ZNF385B: variants seen among roughly 807,000 people sequenced by gnomAD.
ZNF385B encodes zinc finger protein 533.
In ZNF385B, 23 loss-of-function variants were observed where a neutral mutation model predicts 39.2. The observed-to-expected ratio is 0.59, with a 90% CI of 0.42 to 0.83. The LOEUF is 0.83. ZNF385B is among the 40% of genes least tolerant of loss of function. The pLI is 0.00. For missense variants in ZNF385B, 552 were observed against 598.9 expected, an observed-to-expected ratio of 0.92 and a Z score of 0.82; for synonymous variants, 205 against 222.6, an observed-to-expected ratio of 0.92 and a Z score of 0.70.
chr2:179,742,449 A>G (rs1314477967), intron 3 of ZNF385B, among the ~76,000 whole-genome samples: 6 of 152,144 alleles, frequency 3.9e-5, no homozygotes, highest in Admixed American at 2.0e-4. Context: ...ACAATTTTCA[A>G]TATTAAGTAT....
chr2:179,786,882 C>T (rs1705038477), intron 1 of ZNF385B, among the ~76,000 whole-genome samples: 1 of 152,040 alleles, frequency 6.6e-6, no homozygotes, highest in South Asian at 2.1e-4. Context: ...ATTTACACTT[C>T]TATCAGCAGT....
Position 179,604,811 on chromosome 2 carries a change from G to A in ZNF385B, c.299-59842C>T, listed in dbSNP as rs796150004. On this transcript the variant is annotated intron_variant, in intron 3 of 9. Transcript: ENST00000410066. Reference sequence around the variant, plus strand: ...ATGTCTCCAACTATATTTCCACAGAGTGCTATAACATTTACAATTGTGAAA... The same window carrying A: ...ATGTCTCCAACTATATTTCCACAGAATGCTATAACATTTACAATTGTGAAA... 3.9e-5 allele frequency among the ~76,000 whole-genome samples: 6 copies of A among 152,204 alleles called. 1 individual carries two copies. Among genetic ancestry groups the A allele is most frequent in the African/African-American group, 1.4e-4 (6 of 41,562 alleles).
intron 5 of ZNF385B, among the ~76,000 whole-genome samples, chr2:179,489,138 C>T (rs562771442): frequency 6.6e-6 from 1 of 152,246 alleles, no homozygotes. Flanking sequence ...GCTGCAAGGG[C>T]CGGGCTCCGA....
chr2:179,853,765 A>T (rs1684363868), intron 1 of ZNF385B, among the ~76,000 whole-genome samples: 1 of 152,224 alleles, frequency 6.6e-6, no homozygotes, highest in African/African-American at 2.4e-5. Context: ...ATCTAATTTT[A>T]TCTGATGACA....
chr2:179,860,841 T>C (rs146754630), intron 1 of ZNF385B: 9,676 of 443,054 alleles, frequency 0.022, 168 homozygotes, highest in Non-Finnish European at 0.029. Context: ...TATGCTCCTG[T>C]GGCTTCCACG....
At chr2:179,800,213 A>G (rs1186374428) in intron 1 of ZNF385B, among the ~76,000 whole-genome samples, 1 of 152,150 alleles carries the variant, frequency 6.6e-6, no homozygotes, top group African/African-American at 2.4e-5. Context: ...AAAATAAAAC[A>G]ATGAAATTAA....
chr2:179,581,242 CT>C lies in ZNF385B; in HGVS notation c.299-36274del, dbSNP rs570152581. On this transcript the variant is annotated intron_variant, in intron 3 of 9. Transcript: ENST00000410066. ...TACATTAAAAATAAGTAACAGTTTACTTTGTATCTTTCCTTTTTTACCAAGC... is the reference window on the plus strand; with the variant it reads ...TACATTAAAAATAAGTAACAGTTTACTTGTATCTTTCCTTTTTTACCAAGC... 2.6e-3 allele frequency among the ~76,000 whole-genome samples: 403 copies of C among 152,234 alleles called. 2 individuals carry two copies. The highest frequency in any genetic ancestry group is 9.1e-3 in the African/African-American group (379 of 41,538).
At chr2:179,797,058 G>T (rs1373932406) in intron 1 of ZNF385B, among the ~76,000 whole-genome samples, 2 of 151,698 alleles carry the variant, frequency 1.3e-5, no homozygotes, top group African/African-American at 2.4e-5. Context: ...TGGGAATGGG[G>T]TTTAAAAAAA....
At chr2:179,852,934 C>G (rs16867040) in intron 1 of ZNF385B, among the ~76,000 whole-genome samples, 11,267 of 152,128 alleles carry the variant, frequency 0.074, 501 homozygotes, top group African/African-American at 0.1. Flanking sequence ...GAGAAAAGAC[C>G]ACTGTGCAAA....
intron 3 of ZNF385B, among the ~76,000 whole-genome samples, chr2:179,709,621 C>A (rs1161552263): frequency 6.6e-6 from 1 of 152,200 alleles, no homozygotes; most frequent in Non-Finnish European, 1.5e-5. Flanking sequence ...TAAGATGACA[C>A]TGGGGACAAT....
At chr2:179,787,523 G>T (rs1057092912) in intron 1 of ZNF385B, among the ~76,000 whole-genome samples, 17 of 152,016 alleles carry the variant, frequency 1.1e-4, no homozygotes, top group African/African-American at 3.9e-4. Flanking sequence ...TGGCATCTTG[G>T]ACTACTGTGT....
chr2:179,477,602 G>A (rs1244570551), intron 6 of ZNF385B, among the ~76,000 whole-genome samples: 1 of 152,184 alleles, frequency 6.6e-6, no homozygotes, highest in East Asian at 1.9e-4. Context: ...GAGAGCTCAA[G>A]AGTACCCCTT....
chr2:179,764,491 G>GT, intron 3 of ZNF385B, among the ~76,000 whole-genome samples: 1 of 151,648 alleles, frequency 6.6e-6, no homozygotes, highest in Admixed American at 6.6e-5. Context: ...TTTGCTTTCT[G>GT]TTTTTTCCTT....
intron 5 of ZNF385B, among the ~76,000 whole-genome samples, chr2:179,483,775 C>T (rs1415172710): frequency 6.6e-6 from 1 of 152,204 alleles, no homozygotes; most frequent in Admixed American, 6.5e-5. Flanking sequence ...TGGCTGGCAG[C>T]AGGGGCTTTG....
rs576599962 is a variant in ZNF385B, at chr2:179,836,519, T to C, written c.-155+24582A>G. 2.8e-5 allele frequency among the ~76,000 whole-genome samples: 4 copies of C among 143,174 alleles called. No individual in the cohort carries two copies. The East Asian group carries it at 7.8e-4, about 28-fold the overall frequency. The allele number at this position is 143,174 out of a possible 152,430, so 93.9% of individuals were successfully genotyped here. On this transcript the variant is annotated intron_variant, in intron 1 of 9. Transcript: ENST00000410066. ...ATCAAGGTTCTTGCGTTTTCTTTTT[T>C]TTTTTTTTTTGAGACGGAGTCTCGC...
At chr2:179,846,621 C>T (rs775748677) in intron 1 of ZNF385B, among the ~76,000 whole-genome samples, 1 of 152,174 alleles carries the variant, frequency 6.6e-6, no homozygotes, top group Non-Finnish European at 1.5e-5. Flanking sequence ...CTCAGTGAAC[C>T]CAGAGGGCCC....
At chr2:179,733,901 A>G (rs1222884614) in intron 3 of ZNF385B, among the ~76,000 whole-genome samples, 1 of 151,982 alleles carries the variant, frequency 6.6e-6, no homozygotes, top group East Asian at 1.9e-4. Flanking sequence ...CCAGTCTCCC[A>G]TGAAATAAAT....
chr2:179,744,537 CA>C (rs1702267242), intron 3 of ZNF385B, among the ~76,000 whole-genome samples: 1 of 152,214 alleles, frequency 6.6e-6, no homozygotes, highest in East Asian at 1.9e-4. Context: ...TTGGTGAACA[CA>C]AATGGTTTGC....
intron 3 of ZNF385B, among the ~76,000 whole-genome samples, chr2:179,569,255 CA>C (rs1684941257): frequency 1.3e-5 from 2 of 152,126 alleles, no homozygotes; most frequent in South Asian, 4.1e-4. Context: ...AAGGAGGTAT[CA>C]AATTTACACT....
Sources: gnomAD v4.1 joint callset for allele counts (sites outside exome capture counted in the v4.1 genomes callset) on GRCh38, gnomAD v4.1.1 for gene constraint, MANE v1.5 for transcripts, NCBI Gene and HGNC (gene_info 2026-07-23, HGNC 2026-07-21) for gene names.